SI: variants seen among roughly 807,000 people sequenced by gnomAD.
SI encodes sucrase-isomaltase, also known as sucrase-isomaltase, intestinal.
SI carries 235 observed loss-of-function variants against 253.3 expected under a neutral mutation model. The observed-to-expected ratio is 0.93, with a 90% CI of 0.83 to 1.03. The LOEUF (loss-of-function observed/expected upper bound fraction) is 1.03. Among genes scored for constraint, SI ranks in the 50% least tolerant of loss-of-function variants. The pLI is 0.00. For synonymous variants in SI, 819 were observed against 712.0 expected (o/e 1.15, Z -2.39); for missense variants, 2,442 against 2,211.1 (o/e 1.10, Z -2.09).
At position 165,041,076 on chromosome 3, in the gene SI, A is replaced by C. The variant is rs776239970; in HGVS notation, c.2023T>G (p.Phe675Val). The C allele has an allele frequency of 6.2e-7, 1 of 1,612,858 alleles. No homozygotes were observed. The highest frequency in any genetic ancestry group is 8.5e-7 in the Non-Finnish European group (1 of 1,179,224). ...DGYEHQDPAF[F>V]GQNSLLVKSS... The stretch of plus-strand genomic sequence containing the variant: ...TTAACCAAAAGTGAATTCTGCCCAA[A>C]AAATGCAGGATCCTGATGCTGTGAG... The change falls in exon 18 of 48, where the codon TTT (phenylalanine) becomes GTT (valine). Residue 675 changes from phenylalanine to valine, a missense_variant. Transcript: ENST00000264382.
At chr3:165,041,200 T>G in intron 17 of SI, 106 bp from the exon 18 acceptor site, 1 of 966,202 alleles carries the variant, frequency 1.0e-6, no homozygotes, top group South Asian at 1.4e-5. Context: ...AAATTTCAGC[T>G]TGTTTATGAG....
intron 40 of SI, among the ~76,000 whole-genome samples, chr3:164,995,472 A>G (rs1307297464): frequency 6.6e-6 from 1 of 151,832 alleles, no homozygotes; most frequent in African/African-American, 2.4e-5. Flanking sequence ...ATACATTTCA[A>G]TAGTTCATTT....
At chr3:165,018,150 C>T in intron 28 of SI, 84 bp from the exon 29 acceptor site, 2 of 826,554 alleles carry the variant, frequency 2.4e-6, no homozygotes, top group Non-Finnish European at 4.1e-6. Flanking sequence ...ATTTATTATA[C>T]AATCGAGACT....
At chr3:165,013,338 A>T (rs1408600529) in intron 33 of SI, among the ~76,000 whole-genome samples, 2 of 152,182 alleles carry the variant, frequency 1.3e-5, no homozygotes, top group African/African-American at 4.8e-5. Context: ...AAAAACTAAT[A>T]TGAAAAATAT....
the SI span, among the ~76,000 whole-genome samples, chr3:165,088,293 C>G: frequency 6.6e-6 from 1 of 152,000 alleles, no homozygotes. Context: ...TTGCAGTGAG[C>G]CCAGAACACA....
chr3:164,981,895 A>G (rs1717205985), intron 47 of SI, among the ~76,000 whole-genome samples: 1 of 152,140 alleles, frequency 6.6e-6, no homozygotes, highest in African/African-American at 2.4e-5. Flanking sequence ...GAATTTTCAA[A>G]TACATTTTCA....
the SI span, among the ~76,000 whole-genome samples, chr3:165,088,842 T>C: frequency 3.8e-4 from 57 of 151,962 alleles, no homozygotes; most frequent in Middle Eastern, 6.8e-3. Flanking sequence ...GGACAAATAT[T>C]CCTGTACATA....
At chr3:165,068,067 AAAG>A (rs1007604906) in intron 5 of SI, among the ~76,000 whole-genome samples, 1 of 152,072 alleles carries the variant, frequency 6.6e-6, no homozygotes, top group African/African-American at 2.4e-5. Context: ...GTGCTAAAAA[AAAG>A]AATCATAGTT....
chr3:165,074,579 A>T lies in SI; in HGVS notation c.207T>A (p.Asp69Glu), dbSNP rs763430699. The change falls in exon 3 of 48, where the codon GAT (aspartate) becomes GAA (glutamate). Residue 69 changes from aspartate (D) to glutamate (E), a missense_variant. Transcript: ENST00000264382. ...TGCAGTTTATTCTCACATTGACAGGATCATTTAACACATTTGGACATTTTC... is the reference window on the plus strand; with the variant it reads ...TGCAGTTTATTCTCACATTGACAGGTTCATTTAACACATTTGGACATTTTC... ...DSGKCPNVLN[D>E]PVNVRINCIP... 1.9e-6 allele frequency: 3 copies of T among 1,609,998 alleles called. No individual in the cohort carries two copies. The Admixed American group carries it at 5.0e-5, about 27-fold the overall frequency.
rs761067214 is a variant in SI at position 165,046,835 on chromosome 3, T to A, written c.1887+6A>T. 1 of 1,608,324 alleles carries A rather than the reference T, an allele frequency of 6.2e-7. No individual in the cohort carries two copies. Among genetic ancestry groups the A allele is most frequent in the East Asian group, 2.2e-5 (1 of 44,720 alleles). ...TTATGAGTAACACTCTATGAAACTG[T>A]CTTACCAAAGGTATTCCAAACAAAC... On this transcript the variant is annotated splice_donor_region_variant and intron_variant, in intron 16 of 47. Coordinates refer to ENST00000264382, the MANE Select transcript of SI (RefSeq NM_001041.4).
intron 37 of SI, 124 bp from the exon 38 acceptor site, chr3:164,998,797 C>A: frequency 1.2e-6 from 1 of 809,842 alleles, no homozygotes; most frequent in East Asian, 2.6e-5. Context: ...TTTATTACAA[C>A]TGGCTCTTGA....
chr3:164,996,661 ATT>A lies in SI; in HGVS notation c.4576-12_4576-11del, dbSNP rs1718025450. 2 of 1,469,530 alleles carry A rather than the reference ATT, an allele frequency of 1.4e-6. No homozygotes were observed. The highest frequency in any genetic ancestry group is 4.6e-5 in the East Asian group (2 of 43,930). The allele number at this position is 1,469,530 out of a possible 1,614,324, so 91.0% of individuals were successfully genotyped here. ...AGATGTCTGCTCCAGTCTAAAATAT[ATT>A]GTTATATTTAGTTAAATTTGAATAG... On this transcript the variant is annotated splice_polypyrimidine_tract_variant and intron_variant, in intron 39 of 47. Coordinates refer to ENST00000264382, the MANE Select transcript of SI (RefSeq NM_001041.4).
chr3:164,983,803 G>T (rs1717312178), intron 45 of SI, among the ~76,000 whole-genome samples: 2 of 151,778 alleles, frequency 1.3e-5, no homozygotes, highest in South Asian at 4.2e-4. Flanking sequence ...ATGTTGCCCA[G>T]GTTTGTCTAG....
upstream of SI, among the ~76,000 whole-genome samples, chr3:165,078,669 T>C (rs1176825534): frequency 6.6e-6 from 1 of 151,674 alleles, no homozygotes; most frequent in Non-Finnish European, 1.5e-5. Context: ...TAATTAGTAA[T>C]TGTACTGTCA....
In SI at chr3:164,987,171, C is replaced by A; in HGVS notation, c.5164G>T (p.Gly1722Cys). ...VAADDNQMAQ[G>C]SLFWDDGESI... ...TCTCCATCATCCCAAAACAGAGAAC[C>A]CTGTGCCATCTGATTATCATCTGCA... The change falls in exon 45 of 48, where the codon GGT becomes TGT. Residue 1722 changes from glycine (G) to cysteine (C), a missense_variant. Physicochemically the swap from Gly to Cys is radical, Grantham distance 159. Transcript: ENST00000264382. 6.2e-7 allele frequency: 1 copy of A among 1,613,654 alleles called. No homozygotes were observed. Among genetic ancestry groups the A allele is most frequent in the Non-Finnish European group, 8.5e-7 (1 of 1,179,774 alleles).
At chr3:165,058,884 ACACG>A in intron 12 of SI, 75 bp downstream of exon 12, 2 of 1,173,496 alleles carry the variant, frequency 1.7e-6, no homozygotes, top group Non-Finnish European at 1.3e-6. Context: ...ACACACACAC[ACACG>A]CACATCCACA....
chr3:165,076,050 T>TATATA (rs760551962), intron 1 of SI, 38 bp from the exon 2 acceptor site: 3 of 1,313,018 alleles, frequency 2.3e-6, no homozygotes, highest in Non-Finnish European at 2.1e-6. Flanking sequence ...AAATGTAAAA[T>TATATA]ATATAACTAT....
chr3:164,993,724 A>T (rs1717882698), intron 41 of SI, among the ~76,000 whole-genome samples: 1 of 151,894 alleles, frequency 6.6e-6, no homozygotes, highest in Admixed American at 6.6e-5. Context: ...TCCATGAAAT[A>T]GAATTTTTAA....
chr3:165,008,849 T>C (rs928765078), intron 35 of SI, among the ~76,000 whole-genome samples: 4 of 151,770 alleles, frequency 2.6e-5, no homozygotes, highest in Admixed American at 1.3e-4. Context: ...TCTAAAAAAA[T>C]ATATTATTAA....
Sources: allele counts gnomAD v4.1 joint callset (sites outside exome capture counted in the v4.1 genomes callset), GRCh38; gene constraint gnomAD v4.1.1; transcripts MANE v1.5; gene names NCBI Gene and HGNC (gene_info 2026-07-23, HGNC 2026-07-21).